The following MAGI2 variants were observed in gnomAD, a reference collection of about 807,000 sequenced individuals.
MAGI2 encodes the protein membrane associated guanylate kinase, WW and PDZ domain containing 2.
Under a neutral mutation model 133.3 loss-of-function variants are expected in MAGI2, and 35 were observed. That is an observed-to-expected ratio of 0.26 (90% CI 0.20 to 0.35). The LOEUF is 0.35. MAGI2 is among the 10% of genes least tolerant of loss of function. The pLI, the probability that MAGI2 is intolerant of heterozygous loss-of-function variation, is 1.00. For synonymous variants in MAGI2, 729 were observed against 710.6 expected, an observed-to-expected ratio of 1.03 and a Z score of -0.41; for missense variants, 1,636 against 1,863.4, an observed-to-expected ratio of 0.88 and a Z score of 2.25.
At chr7:78,691,692 G>A (rs892169931) in intron 2 of MAGI2, among the ~76,000 whole-genome samples, 1 of 152,140 alleles carries the variant, frequency 6.6e-6, no homozygotes, top group Admixed American at 6.6e-5. Flanking sequence ...TTAAAAATCA[G>A]TGGTAGGCAA....
At chr7:78,305,708 C>T (rs1798197557) in intron 9 of MAGI2, among the ~76,000 whole-genome samples, 1 of 152,176 alleles carries the variant, frequency 6.6e-6, no homozygotes, top group African/African-American at 2.4e-5. Context: ...CTCCAAGGAA[C>T]TGTATACATG....
chr7:78,675,464 G>A (rs186942700), intron 2 of MAGI2, among the ~76,000 whole-genome samples: 331 of 152,068 alleles, frequency 2.2e-3, no homozygotes, highest in African/African-American at 7.1e-3. Flanking sequence ...ATCAAGATGC[G>A]GAATTTAAAA....
chr7:79,244,190 A>T (rs1832646483), intron 1 of MAGI2, among the ~76,000 whole-genome samples: 1 of 152,244 alleles, frequency 6.6e-6, no homozygotes, highest in African/African-American at 2.4e-5. Flanking sequence ...ACTGAGACAG[A>T]GTAAGATGGC....
chr7:78,647,811 C>T (rs1480682548), intron 2 of MAGI2, among the ~76,000 whole-genome samples: 1 of 152,106 alleles, frequency 6.6e-6, no homozygotes. Flanking sequence ...GAATACTATG[C>T]AGCCATAAAA....
chr7:78,776,544 C>T (rs1001639923), intron 2 of MAGI2, among the ~76,000 whole-genome samples: 1 of 152,194 alleles, frequency 6.6e-6, no homozygotes, highest in African/African-American at 2.4e-5. Flanking sequence ...ATCTGCTTTA[C>T]CTATAAACAA....
At chr7:79,287,044 G>C (rs1378248490) in intron 1 of MAGI2, among the ~76,000 whole-genome samples, 1 of 151,976 alleles carries the variant, frequency 6.6e-6, no homozygotes, top group African/African-American at 2.4e-5. Flanking sequence ...CTTAATCATG[G>C]CTGGCAGAAA....
At position 78,646,210 on chromosome 7, in the gene MAGI2, CA is replaced by C. The variant is rs1437808341; in HGVS notation, c.419-18972del. Among the ~76,000 whole-genome samples, 26 of 152,026 alleles carry C rather than the reference CA, an allele frequency of 1.7e-4. No homozygotes were observed. In the East Asian group the frequency reaches 5.0e-3, roughly 29 times the overall value. On this transcript the variant is annotated intron_variant, in intron 2 of 21. Coordinates refer to ENST00000354212, the MANE Select transcript of MAGI2 (RefSeq NM_012301.4). ...TTTATTAAAAGTGAAAAGATCTGGG[CA>C]AAGATAGAAAAATATTAAAATTTAT...
At chr7:78,535,942 C>T (rs1797861095) in intron 3 of MAGI2, among the ~76,000 whole-genome samples, 1 of 150,560 alleles carries the variant, frequency 6.6e-6, no homozygotes, top group Admixed American at 6.6e-5. Context: ...CTTCAACTCC[C>T]TGTGATTTAT....
intron 1 of MAGI2, among the ~76,000 whole-genome samples, chr7:79,389,131 C>T (rs571302892): frequency 1.3e-5 from 2 of 151,772 alleles, no homozygotes; most frequent in East Asian, 3.9e-4. Flanking sequence ...AGTAAGATAC[C>T]TAATGTGTTA....
At chr7:78,303,226 T>G (rs1248207381) in intron 9 of MAGI2, among the ~76,000 whole-genome samples, 1 of 151,248 alleles carries the variant, frequency 6.6e-6, no homozygotes, top group Non-Finnish European at 1.5e-5. Context: ...AAAAATACAG[T>G]AAATCAGCCA....
chr7:79,207,523 A>AC (rs35442634), intron 1 of MAGI2, among the ~76,000 whole-genome samples: 27,470 of 151,834 alleles, frequency 0.18, 6,302 homozygotes, highest in African/African-American at 0.53. Flanking sequence ...AAAGATCTCA[A>AC]ATCAAAAACT....
intron 2 of MAGI2, among the ~76,000 whole-genome samples, chr7:78,671,048 G>A (rs1196856346): frequency 6.6e-6 from 1 of 152,040 alleles, no homozygotes. Flanking sequence ...CCACATAGTG[G>A]CCATTGCGAG....
chr7:78,191,772 G>A (rs373615965), intron 12 of MAGI2, among the ~76,000 whole-genome samples: 5 of 152,250 alleles, frequency 3.3e-5, no homozygotes, highest in African/African-American at 7.2e-5. Flanking sequence ...TCTGTTTCAC[G>A]TGGCCGTAGT....
chr7:79,335,348 G>T (rs1454581925), intron 1 of MAGI2, among the ~76,000 whole-genome samples: 1 of 151,984 alleles, frequency 6.6e-6, no homozygotes, highest in Non-Finnish European at 1.5e-5. Context: ...ATAGAAAAGG[G>T]AAAAAATGCC....
intron 2 of MAGI2, among the ~76,000 whole-genome samples, chr7:78,678,232 T>G (rs1815264082): frequency 6.6e-6 from 1 of 152,186 alleles, no homozygotes; most frequent in Non-Finnish European, 1.5e-5. Context: ...TTGGCAATTT[T>G]ATGTAGCCTA....
chr7:79,378,440 A>C (rs1843525611), intron 1 of MAGI2, among the ~76,000 whole-genome samples: 1 of 151,770 alleles, frequency 6.6e-6, no homozygotes, highest in Non-Finnish European at 1.5e-5. Flanking sequence ...ACAACTAATA[A>C]GCAGCTGTAC....
intron 9 of MAGI2, 89 bp from the exon 10 acceptor site, chr7:78,256,670 G>T: frequency 1.8e-6 from 2 of 1,094,498 alleles, no homozygotes; most frequent in Non-Finnish European, 2.7e-6. Flanking sequence ...CTAGTGAGAG[G>T]TGTTGTTTCT....
chr7:79,307,989 A>C (rs1388718482), intron 1 of MAGI2, among the ~76,000 whole-genome samples: 1 of 152,206 alleles, frequency 6.6e-6, no homozygotes, highest in Non-Finnish European at 1.5e-5. Flanking sequence ...TTCCTACAGA[A>C]AAATATGGCT....
chr7:78,544,413 G>GT (rs1426821479), intron 3 of MAGI2, among the ~76,000 whole-genome samples: 2 of 152,114 alleles, frequency 1.3e-5, no homozygotes, highest in Non-Finnish European at 2.9e-5. Flanking sequence ...GCAGCCAAAA[G>GT]TTTTTTGGCA....
Sources: gnomAD v4.1 joint callset for allele counts (sites outside exome capture counted in the v4.1 genomes callset) on GRCh38, gnomAD v4.1.1 for gene constraint, MANE v1.5 for transcripts, NCBI Gene and HGNC (gene_info 2026-07-23, HGNC 2026-07-21) for gene names.